BCAR3: variants seen among roughly 807,000 people sequenced by gnomAD.
The protein encoded by BCAR3 is BCAR3 adaptor protein, NSP family member.
A neutral mutation model predicts 80.1 loss-of-function variants in BCAR3; 37 were observed. The ratio of observed to expected loss-of-function variants is 0.46; its 90% CI spans 0.36 to 0.61. The LOEUF (loss-of-function observed/expected upper bound fraction) is 0.61, where lower values mean the gene tolerates loss of function less well. Among genes scored for constraint, BCAR3 ranks in the 20% least tolerant of loss-of-function variants. The pLI is 0.00. For synonymous variants in BCAR3, 389 were observed against 418.9 expected, an observed-to-expected ratio of 0.93 and a Z score of 0.87; for missense variants, 978 against 1,068.2, an observed-to-expected ratio of 0.92 and a Z score of 1.18.
intron 3 of BCAR3, among the ~76,000 whole-genome samples, chr1:93,616,809 C>A (rs1675143125): frequency 1.3e-5 from 2 of 152,252 alleles, no homozygotes; most frequent in African/African-American, 2.4e-5. Context: ...AAGGGAGGGG[C>A]CCAGTCAGGC....
chr1:93,693,920 C>A (rs1012577949), intron 3 of BCAR3, among the ~76,000 whole-genome samples: 1 of 152,214 alleles, frequency 6.6e-6, no homozygotes. Context: ...CTTGCTTGAG[C>A]CCCTGAGCAC....
chr1:93,563,008 T>TA (rs1479231425), intron 11 of BCAR3, among the ~76,000 whole-genome samples: 1 of 152,128 alleles, frequency 6.6e-6, no homozygotes, highest in African/African-American at 2.4e-5. Context: ...CTGTGGGAAG[T>TA]AGTGCTGTGG....
intron 2 of BCAR3, among the ~76,000 whole-genome samples, chr1:93,817,969 G>A (rs1219642634): frequency 2.6e-5 from 4 of 152,086 alleles, no homozygotes; most frequent in Non-Finnish European, 5.9e-5. Context: ...CACACCACAC[G>A]AAGCTTCCCA....
At chr1:93,595,451 G>T (rs1248761730) in intron 3 of BCAR3, among the ~76,000 whole-genome samples, 1 of 152,206 alleles carries the variant, frequency 6.6e-6, no homozygotes, top group Non-Finnish European at 1.5e-5. Flanking sequence ...TTGCTGCTGG[G>T]AGCCTCTGCC....
chr1:93,757,151 T>C (rs1409437642), intron 2 of BCAR3, among the ~76,000 whole-genome samples: 1 of 152,072 alleles, frequency 6.6e-6, no homozygotes, highest in Non-Finnish European at 1.5e-5. Flanking sequence ...CATGTTGAGG[T>C]GCAAAGAGGA....
intron 9 of BCAR3, among the ~76,000 whole-genome samples, chr1:93,571,031 C>A (rs184043568): frequency 1.3e-5 from 2 of 151,988 alleles, no homozygotes; most frequent in African/African-American, 4.8e-5. Context: ...TGGCAAAACC[C>A]CGTCTCTACT....
intron 2 of BCAR3, among the ~76,000 whole-genome samples, chr1:93,672,168 C>A (rs1018079617): frequency 6.6e-6 from 1 of 152,210 alleles, no homozygotes; most frequent in Non-Finnish European, 1.5e-5. Context: ...CCTGCACCCA[C>A]CCTCCGATAA....
intron 2 of BCAR3, among the ~76,000 whole-genome samples, chr1:93,786,050 G>T (rs1571126626): frequency 7.1e-6 from 1 of 141,350 alleles, no homozygotes; most frequent in South Asian, 2.2e-4. Flanking sequence ...AAAATTAGCC[G>T]GGCGTGGTGG....
chr1:93,591,168 T>TAAAAA lies in BCAR3; in HGVS notation c.486+1092_486+1096dup, dbSNP rs35143036. On this transcript the variant is annotated intron_variant, in intron 4 of 11. Coordinates refer to ENST00000260502, the MANE Select transcript of BCAR3 (RefSeq NM_003567.4). ...GATTGTGCCAAGAAATCTACTACATTAAAAAAAAAAAAAAAAAAAAAAAAG... is the reference window on the plus strand; with the variant it reads ...GATTGTGCCAAGAAATCTACTACATTAAAAAAAAAAAAAAAAAAAAAAAAAAAAAG... 1.4e-3 allele frequency among the ~76,000 whole-genome samples: 92 copies of TAAAAA among 66,298 alleles called. 7 individuals are homozygous for TAAAAA. The highest frequency in any genetic ancestry group is 5.7e-3 in the African/African-American group (67 of 11,848). 43.5% of individuals were successfully genotyped at this position (66,298 alleles called of 152,430 possible).
At chr1:93,834,607 T>C (rs1654698391) in intron 2 of BCAR3, among the ~76,000 whole-genome samples, 1 of 152,234 alleles carries the variant, frequency 6.6e-6, no homozygotes, top group African/African-American at 2.4e-5. Flanking sequence ...ACCTTACTCT[T>C]TCAGCCTAGC....
chr1:93,814,542 C>A (rs893529060), intron 2 of BCAR3, among the ~76,000 whole-genome samples: 1 of 152,232 alleles, frequency 6.6e-6, no homozygotes, highest in South Asian at 2.1e-4. Flanking sequence ...ACCTGCAAAA[C>A]CTCCAATGGG....
intron 2 of BCAR3, among the ~76,000 whole-genome samples, chr1:93,803,706 C>T (rs1297379865): frequency 3.9e-5 from 6 of 152,118 alleles, no homozygotes; most frequent in Non-Finnish European, 1.5e-5. Flanking sequence ...GCACTATAGA[C>T]TTAAAGAAAT....
chr1:93,767,621 A>G (rs912889474), intron 2 of BCAR3, among the ~76,000 whole-genome samples: 2 of 152,246 alleles, frequency 1.3e-5, no homozygotes, highest in African/African-American at 4.8e-5. Context: ...AGAAAATAAA[A>G]GTGCAGCTCA....
At chr1:93,832,092 A>G (rs1433177667) in intron 2 of BCAR3, among the ~76,000 whole-genome samples, 2 of 152,222 alleles carry the variant, frequency 1.3e-5, no homozygotes, top group African/African-American at 2.4e-5. Context: ...CTGACATTAG[A>G]AAAAGCTCCG....
At chr1:93,633,666 G>A (rs759418065) in intron 3 of BCAR3, among the ~76,000 whole-genome samples, 4 of 152,080 alleles carry the variant, frequency 2.6e-5, no homozygotes, top group Non-Finnish European at 5.9e-5. Context: ...ATACACTCTG[G>A]CTCTATCGCC....
intron 2 of BCAR3, among the ~76,000 whole-genome samples, chr1:93,734,508 T>C (rs957079580): frequency 9.6e-4 from 146 of 151,940 alleles, no homozygotes; most frequent in Non-Finnish European, 2.5e-4. Context: ...TGGGCTGACG[T>C]CTGAGGAGGT....
At chr1:93,782,247 G>C (rs1431912564) in intron 2 of BCAR3, among the ~76,000 whole-genome samples, 2 of 152,256 alleles carry the variant, frequency 1.3e-5, no homozygotes, top group African/African-American at 4.8e-5. Flanking sequence ...GGTCAGAGCA[G>C]ATATGCTCAT....
intron 2 of BCAR3, among the ~76,000 whole-genome samples, chr1:93,739,189 T>C (rs1343583846): frequency 6.6e-6 from 1 of 152,174 alleles, no homozygotes; most frequent in East Asian, 1.9e-4. Flanking sequence ...CTGGGTGGCA[T>C]GGTTACATGA....
At chr1:93,785,447 C>T (rs1652905152) in intron 2 of BCAR3, among the ~76,000 whole-genome samples, 1 of 152,162 alleles carries the variant, frequency 6.6e-6, no homozygotes, top group Non-Finnish European at 1.5e-5. Flanking sequence ...CTAGGTTTAT[C>T]CAATCTTATG....
Sources: gnomAD v4.1 joint callset for allele counts (sites outside exome capture counted in the v4.1 genomes callset) on GRCh38, gnomAD v4.1.1 for gene constraint, MANE v1.5 for transcripts, NCBI Gene and HGNC (gene_info 2026-07-23, HGNC 2026-07-21) for gene names.